OSTM1: variants seen among roughly 807,000 people sequenced by gnomAD.
OSTM1 encodes the protein osteopetrosis-associated transmembrane protein 1.
In OSTM1, 26 loss-of-function variants were observed where a neutral mutation model predicts 35.4. The observed-to-expected ratio is 0.73, with a 90% CI of 0.54 to 1.02. OSTM1 has a LOEUF of 1.02. OSTM1 is among the 50% of genes least tolerant of loss of function. The probability of loss-of-function intolerance (pLI) is 0.00; values close to 1 mark genes in which losing one functional copy is unlikely to be tolerated. For missense variants in OSTM1, 366 were observed against 409.6 expected (o/e 0.89, Z 0.92); for synonymous variants, 181 against 165.0 (o/e 1.10, Z -0.75).
intron 5 of OSTM1, among the ~76,000 whole-genome samples, chr6:108,048,886 G>C (rs1772028092): frequency 6.6e-6 from 1 of 151,414 alleles, no homozygotes; most frequent in African/African-American, 2.4e-5. Context: ...CGAGTAGCTG[G>C]AACTACAGGC....
At chr6:108,048,634 TATTG>T (rs1411556759) in intron 5 of OSTM1, among the ~76,000 whole-genome samples, 1 of 152,178 alleles carries the variant, frequency 6.6e-6, no homozygotes, top group African/African-American at 2.4e-5. Context: ...ATCTCCCTGC[TATTG>T]CCATGTTAGG....
intron 1 of OSTM1, among the ~76,000 whole-genome samples, chr6:108,067,846 A>AAAAAT: frequency 6.6e-6 from 1 of 151,656 alleles, no homozygotes; most frequent in Non-Finnish European, 1.5e-5. Flanking sequence ...AAAAAAAAAA[A>AAAAAT]AAAAATAGAG....
rs927521800 is a variant in OSTM1, at chr6:108,043,787, C to T, written c.*998G>A. On this transcript the variant is annotated 3_prime_UTR_variant, in exon 6 of 6. Transcript: ENST00000193322. ...TATTTTCTGCATGAGACTATCGTTC[C>T]GATTCATCCCCTCAATACACACCAC... The T allele has an allele frequency of 2.6e-5, 4 of 152,116 alleles. No individual in the cohort carries two copies. Among genetic ancestry groups the T allele is most frequent in the African/African-American group, 7.2e-5 (3 of 41,426 alleles). 9.4% of individuals were successfully genotyped at this position (152,116 alleles called of 1,614,324 possible).
chr6:108,072,445 T>G (rs1001347763), intron 1 of OSTM1, among the ~76,000 whole-genome samples: 8 of 151,974 alleles, frequency 5.3e-5, no homozygotes, highest in Non-Finnish European at 1.2e-4. Flanking sequence ...AACAGCCTGG[T>G]CAACATGGTG....
chr6:108,049,320 A>C lies in OSTM1; in HGVS notation c.882T>G (p.Phe294Leu), dbSNP rs1772037014. The C allele has an allele frequency of 6.2e-7, 1 of 1,613,244 alleles. No homozygotes were observed. The highest frequency in any genetic ancestry group is 8.5e-7 in the Non-Finnish European group (1 of 1,179,212). ...TACTAAGGTAGAAGACAACAGGTAGAAAGAGAATGAACACAGAAACAGCAA... is the reference window on the plus strand; with the variant it reads ...TACTAAGGTAGAAGACAACAGGTAGCAAGAGAATGAACACAGAAACAGCAA... ...PVIAVSVFILFLPVVFYLSSF... is the reference protein window; with the variant it reads ...PVIAVSVFILLLPVVFYLSSF... The change falls in exon 5 of 6, where the codon TTT becomes TTG. Residue 294 changes from phenylalanine to leucine, a missense_variant. By Grantham distance (22) the Phe-to-Leu change is conservative. This residue lies in a region of OSTM1 where 125 missense variants were observed against 151.7 expected (regional missense o/e 0.82). Coordinates refer to ENST00000193322, the MANE Select transcript of OSTM1 (RefSeq NM_014028.4).
At chr6:108,051,257 A>C (rs1324964810) in intron 3 of OSTM1, 59 bp from the exon 4 acceptor site, 6 of 1,266,786 alleles carry the variant, frequency 4.7e-6, no homozygotes, top group South Asian at 1.2e-5. Flanking sequence ...ATATCTCTTT[A>C]ATGTAAGCTA....
chr6:108,053,864 C>T (rs1179292544), intron 3 of OSTM1, among the ~76,000 whole-genome samples: 5 of 152,178 alleles, frequency 3.3e-5, no homozygotes, highest in Non-Finnish European at 7.3e-5. Flanking sequence ...TGTACATCTA[C>T]TATGGGGATT....
chr6:108,050,939 G>C, intron 4 of OSTM1, 92 bp downstream of exon 4: 1 of 1,084,368 alleles, frequency 9.2e-7, no homozygotes, highest in Non-Finnish European at 1.4e-6. Context: ...AGAATATGCA[G>C]ATTCCACCCT....
At position 108,074,529 on chromosome 6, in the gene OSTM1, C is replaced by T; in HGVS notation, c.123G>A (p.Arg41=). The change falls in exon 1 of 6, where the codon AGG becomes AGA. Residue 41 remains arginine (R), a synonymous_variant. Coordinates refer to ENST00000193322, the MANE Select transcript of OSTM1 (RefSeq NM_014028.4). ...GCTCCGACAGGAGGTCGTGGAAGAC[C>T]CTGTGCGGACTGCTGCCGAAGGGGA... is the stretch of plus-strand genomic sequence containing the variant. ...GALPFGSSPH[R]VFHDLLSEQQ... 1.3e-6 allele frequency: 2 copies of T among 1,557,702 alleles called. No homozygotes were observed. Among genetic ancestry groups the T allele is most frequent in the Non-Finnish European group, 8.7e-7 (1 of 1,152,144 alleles).
rs577945568 is a variant in OSTM1 at position 108,042,947 on chromosome 6, A to C, written c.*1838T>G. 5 of 152,318 alleles carry C rather than the reference A, an allele frequency of 3.3e-5. No homozygotes were observed. The East Asian group carries it at 7.7e-4, about 23-fold the overall frequency. 9.4% of individuals were successfully genotyped at this position (152,318 alleles called of 1,614,324 possible). A position where few individuals can be genotyped will look rare whatever the true frequency, so the allele number is the denominator to read the frequency against. ...CATTTTTCAATATGACAAAATGAAA[A>C]ACTTACACACTTTAGGGTAGCGCTT... On this transcript the variant is annotated 3_prime_UTR_variant, in exon 6 of 6. Coordinates refer to ENST00000193322, the MANE Select transcript of OSTM1 (RefSeq NM_014028.4).
chr6:108,060,589 T>C (rs761895255), intron 2 of OSTM1, among the ~76,000 whole-genome samples: 2 of 152,084 alleles, frequency 1.3e-5, no homozygotes, highest in Non-Finnish European at 2.9e-5. Flanking sequence ...ATCCTCGTGC[T>C]GCCTGTAGCC....
Position 108,074,273 on chromosome 6 carries a change from C to T in OSTM1, c.379G>A (p.Asp127Asn), listed in dbSNP as rs1772543086. The T allele has an allele frequency of 1.2e-6, 2 of 1,612,472 alleles. No individual in the cohort carries two copies. The highest frequency in any genetic ancestry group is 1.7e-6 in the Non-Finnish European group (2 of 1,179,970). ...PLFQQVVSKM[D>N]NISRAAGNTS... ...ACCCCCGCGGCTCGGCTGATGTTGT[C>T]CATCTTGCTGACGACCTGTTGGAAG... Residue 127 changes from aspartate to asparagine, a missense_variant, in exon 1 of 6, where the codon GAC becomes AAC. Asp to Asn is a conservative substitution (Grantham distance 23). Around this residue, in one of 3 missense-constraint regions of OSTM1, gnomAD observed 236 missense variants for 239.3 expected, o/e 0.99. Coordinates refer to ENST00000193322, the MANE Select transcript of OSTM1 (RefSeq NM_014028.4).
At chr6:108,071,406 A>T (rs1332266536) in intron 1 of OSTM1, among the ~76,000 whole-genome samples, 1 of 150,780 alleles carries the variant, frequency 6.6e-6, no homozygotes, top group Non-Finnish European at 1.5e-5. Flanking sequence ...CCCGGGTTCA[A>T]GCAATTCTCC....
At position 108,064,282 on chromosome 6, in the gene OSTM1, C is replaced by G. The variant is rs1220622619; in HGVS notation, c.420G>C (p.Gln140His). The G allele has an allele frequency of 6.4e-7, 1 of 1,556,128 alleles. No homozygotes were observed. Among genetic ancestry groups the G allele is most frequent in the Admixed American group, 1.7e-5 (1 of 59,950 alleles). The change falls in exon 2 of 6, where the codon CAG (glutamine) becomes CAC (histidine). Residue 140 changes from glutamine (Q) to histidine (H), a missense_variant. Physicochemically the swap from Gln to His is conservative, Grantham distance 24. Coordinates refer to ENST00000193322, the MANE Select transcript of OSTM1 (RefSeq NM_014028.4). ...CCATTAAGAGACTTCTGGCACAACTCTGACTCTCTGAAGTATTCTGTAACA... is the reference window on the plus strand; with the variant it reads ...CCATTAAGAGACTTCTGGCACAACTGTGACTCTCTGAAGTATTCTGTAACA... ...SRAAGNTSES[Q>H]SCARSLLMAD...
intron 3 of OSTM1, among the ~76,000 whole-genome samples, chr6:108,051,476 CA>C (rs531865688): frequency 1.4e-4 from 21 of 152,286 alleles, no homozygotes; most frequent in Admixed American, 3.3e-4. Flanking sequence ...TCTAAATTTT[CA>C]AAACTGCTGC....
At position 108,074,417 on chromosome 6, in the gene OSTM1, C is replaced by T; in HGVS notation, c.235G>A (p.Asp79Asn). 6.4e-7 allele frequency: 1 copy of T among 1,564,864 alleles called. No homozygotes were observed. Among genetic ancestry groups the T allele is most frequent in the Non-Finnish European group, 8.7e-7 (1 of 1,154,756 alleles). The change falls in exon 1 of 6, where the codon GAT becomes AAT. Residue 79 changes from aspartate (D) to asparagine (N), a missense_variant. Physicochemically the swap from Asp to Asn is conservative, Grantham distance 23. Coordinates refer to ENST00000193322, the MANE Select transcript of OSTM1 (RefSeq NM_014028.4). The part of the protein sequence containing the change: ...GPLSLPPDLP[D>N]LDPECRELLL... ...AGCTCCCGGCACTCAGGATCCAGAT[C>T]CGGCAGGTCCGGGGGCAGCGACAGA...
At chr6:108,072,381 C>T (rs1251417873) in intron 1 of OSTM1, among the ~76,000 whole-genome samples, 1 of 152,102 alleles carries the variant, frequency 6.6e-6, no homozygotes, top group African/African-American at 2.4e-5. Context: ...CACCTGTAAT[C>T]CCAAATCTTT....
rs766277207 is a variant in OSTM1 at position 108,044,811 on chromosome 6, C to A, written c.979G>T (p.Ala327Ser). ...PKRLKSSTSF[A>S]NIQENSN ...CAGTTTGAATTTTCCTGAATATTTG[C>A]AAAACTGGTACTGGACTTGAGACGT... The change falls in exon 6 of 6, where the codon GCA becomes TCA. Residue 327 changes from alanine (A) to serine (S), a missense_variant. Physicochemically the swap from Ala to Ser is moderately conservative, Grantham distance 99 (BLOSUM62 1). Around this residue, in one of 3 missense-constraint regions of OSTM1, gnomAD observed 125 missense variants for 151.7 expected, o/e 0.82. Transcript: ENST00000193322. The A allele has an allele frequency of 6.3e-7, 1 of 1,581,198 alleles. No individual in the cohort carries two copies. Among genetic ancestry groups the A allele is most frequent in the Non-Finnish European group, 8.7e-7 (1 of 1,155,040 alleles).
At chr6:108,064,374 T>C (rs1053113487) in intron 1 of OSTM1, 75 bp from the exon 2 acceptor site, 1 of 797,332 alleles carries the variant, frequency 1.3e-6, no homozygotes, top group South Asian at 1.4e-5. Context: ...GCAAAAACCT[T>C]ACAAAAATAA....
Sources: gnomAD v4.1 joint callset for allele counts (sites outside exome capture counted in the v4.1 genomes callset) on GRCh38, gnomAD v4.1.1 for gene constraint, gnomAD v4.1.1 regional missense constraint, MANE v1.5 for transcripts, NCBI Gene and HGNC (gene_info 2026-07-23, HGNC 2026-07-21) for gene names.